The following GPC3 variants were observed in gnomAD, a reference collection of about 807,000 sequenced individuals.
GPC3 encodes the protein glypican 3.
A neutral mutation model predicts 34.4 loss-of-function variants in GPC3; 3 were observed. The observed-to-expected ratio is 0.09, with a 90% CI of 0.04 to 0.23. GPC3 has a LOEUF of 0.23. Ranked by LOEUF, GPC3 falls within the 10% of genes least tolerant of loss-of-function variation. GPC3 has a pLI of 1.00. For synonymous variants in GPC3, 177 were observed against 174.0 expected, an observed-to-expected ratio of 1.02 and a Z score of -0.13; for missense variants, 351 against 445.6, an observed-to-expected ratio of 0.79 and a Z score of 1.91.
At chrX:133,923,867 G>A (rs186552074) in intron 2 of GPC3, among the ~76,000 whole-genome samples, 42 of 112,376 alleles carry the variant, frequency 3.7e-4, no homozygotes, top group Non-Finnish European at 6.8e-4. Flanking sequence ...TTGCTTTACT[G>A]CCACAGGTTG....
At chrX:133,665,268 T>A (rs1483482255) in intron 5 of GPC3, among the ~76,000 whole-genome samples, 1 of 112,195 alleles carries the variant, frequency 8.9e-6, no homozygotes, top group African/African-American at 3.2e-5. Flanking sequence ...CAGTTTCATA[T>A]CACTCAGCTC....
chrX:133,753,354 C>G, intron 3 of GPC3, 128 bp downstream of exon 3: 5 of 551,552 alleles, frequency 9.1e-6, no homozygotes, highest in Non-Finnish European at 1.6e-5. Flanking sequence ...TCTGTGAGGT[C>G]ATTCAGTCCA....
At chrX:133,835,989 TGGCGGAGCCTAGTACA>T (rs2124547460) in intron 2 of GPC3, among the ~76,000 whole-genome samples, 1 of 113,032 alleles carries the variant, frequency 8.8e-6, no homozygotes, top group East Asian at 2.8e-4. Context: ...AGCCCATCAG[TGGCGGAGCCTAGTACA>T]GATCCAGAGC....
chrX:133,783,345 C>T (rs777689175), intron 2 of GPC3, among the ~76,000 whole-genome samples: 2 of 111,806 alleles, frequency 1.8e-5, no homozygotes, highest in Non-Finnish European at 3.8e-5. Context: ...TTTTACAGGG[C>T]CTAGAAAGAT....
chrX:133,850,973 G>A (rs999507388), intron 2 of GPC3, among the ~76,000 whole-genome samples: 1 of 110,109 alleles, frequency 9.1e-6, no homozygotes, highest in Non-Finnish European at 1.9e-5. Flanking sequence ...GCGTGGTGGC[G>A]GGCGCCTATT....
intron 2 of GPC3, among the ~76,000 whole-genome samples, chrX:133,862,057 G>A (rs1455247330): frequency 9.8e-6 from 1 of 102,258 alleles, no homozygotes; most frequent in Non-Finnish European, 2.0e-5. Flanking sequence ...GTACAATCTT[G>A]GTATTTTAGA....
chrX:133,853,209 C>A (rs931068855), intron 2 of GPC3, among the ~76,000 whole-genome samples: 1 of 111,506 alleles, frequency 9.0e-6, no homozygotes, highest in Non-Finnish European at 1.9e-5. Flanking sequence ...TGATACTACA[C>A]AAAGAATTAC....
intron 6 of GPC3, among the ~76,000 whole-genome samples, chrX:133,597,644 G>T (rs368665262): frequency 2.7e-5 from 3 of 111,833 alleles, no homozygotes; most frequent in East Asian, 5.6e-4. Context: ...ATACTTTTAT[G>T]TTCTCCACCT....
At chrX:133,773,010 G>A (rs781220103) in intron 2 of GPC3, among the ~76,000 whole-genome samples, 7 of 111,112 alleles carry the variant, frequency 6.3e-5, no homozygotes, top group Admixed American at 2.9e-4. Context: ...CATATTCACT[G>A]TTACTGAAAT....
In GPC3 at chrX:133,787,321, A is replaced by G. The variant is rs7888517; in HGVS notation, c.338-33145T>C. ...TCCCTCTCGCTCATTAGCAACAGCC[A>G]TCTAAAGGAAACAGTCCTGGATACT... On this transcript the variant is annotated intron_variant, in intron 2 of 7. Coordinates refer to ENST00000370818, the MANE Select transcript of GPC3 (RefSeq NM_004484.4). 8.3e-4 allele frequency among the ~76,000 whole-genome samples: 93 copies of G among 112,651 alleles called. 1 individual carries two copies. Among genetic ancestry groups the G allele is most frequent in the African/African-American group, 2.9e-3 (89 of 31,081 alleles).
intron 2 of GPC3, among the ~76,000 whole-genome samples, chrX:133,918,006 G>A (rs761626579): frequency 2.4e-4 from 27 of 112,011 alleles, no homozygotes; most frequent in Non-Finnish European, 3.9e-4. Flanking sequence ...GTGAAAAAGT[G>A]AGCTCTTTAA....
chrX:133,704,114 TG>T, intron 3 of GPC3: 1 of 459,646 alleles, frequency 2.2e-6, no homozygotes, highest in Non-Finnish European at 3.4e-6. Flanking sequence ...CCCAGTAGGC[TG>T]GGCATCAGGA....
chrX:133,595,015 C>T (rs1246663531), intron 7 of GPC3, among the ~76,000 whole-genome samples: 2 of 110,548 alleles, frequency 1.8e-5, no homozygotes, highest in African/African-American at 3.3e-5. Flanking sequence ...GGTGTGAAAG[C>T]GCCATTGCAC....
chrX:133,580,859 C>A (rs751875834), intron 7 of GPC3, among the ~76,000 whole-genome samples: 1 of 112,233 alleles, frequency 8.9e-6, no homozygotes, highest in South Asian at 3.7e-4. Context: ...CCTCCCTGCA[C>A]AAACAAGAAA....
chrX:133,598,643 T>C (rs903545304), intron 6 of GPC3, among the ~76,000 whole-genome samples: 5 of 112,047 alleles, frequency 4.5e-5, no homozygotes, highest in Non-Finnish European at 9.4e-5. Flanking sequence ...TGTGGAGATT[T>C]TTCTTTGATA....
At chrX:133,678,847 T>C (rs1465499197) in intron 5 of GPC3, among the ~76,000 whole-genome samples, 1 of 112,239 alleles carries the variant, frequency 8.9e-6, no homozygotes, top group Non-Finnish European at 1.9e-5. Flanking sequence ...GGATGGTCTT[T>C]AGCAGGATAG....
Position 133,823,128 on chromosome X carries a change from C to CAAAA in GPC3, c.338-68956_338-68953dup, listed in dbSNP as rs34231185. ...TGGGTGACAGAGCAAGACTCCGTCT[C>CAAAA]AAAAAAAAAAAAAAAAAAAAAAAAA... On this transcript the variant is annotated intron_variant, in intron 2 of 7. Transcript: ENST00000370818. 6.4e-4 allele frequency among the ~76,000 whole-genome samples: 12 copies of CAAAA among 18,869 alleles called. 4 individuals carry two copies. Among genetic ancestry groups the CAAAA allele is most frequent in the African/African-American group, 2.4e-3 (11 of 4,643 alleles). The allele number at this position is 18,869 out of a possible 115,157, so 16.4% of individuals were successfully genotyped here. A position where few individuals can be genotyped will look rare whatever the true frequency, so the allele number is the denominator to read the frequency against.
At chrX:133,614,489 C>T (rs1242940056) in intron 6 of GPC3, among the ~76,000 whole-genome samples, 3 of 110,562 alleles carry the variant, frequency 2.7e-5, no homozygotes, top group African/African-American at 6.6e-5. Context: ...AAACTGTCAT[C>T]TAATAATTCT....
intron 2 of GPC3, among the ~76,000 whole-genome samples, chrX:133,919,051 C>A (rs754218320): frequency 4.0e-4 from 44 of 111,378 alleles, no homozygotes; most frequent in Non-Finnish European, 4.7e-4. Flanking sequence ...AAGCAAGGTC[C>A]CTGAATTCAA....
Sources: gnomAD v4.1 joint callset for allele counts (sites outside exome capture counted in the v4.1 genomes callset) on GRCh38, gnomAD v4.1.1 for gene constraint, MANE v1.5 for transcripts, NCBI Gene and HGNC (gene_info 2026-07-23, HGNC 2026-07-21) for gene names.